HTR2C: variants seen among roughly 807,000 people sequenced by gnomAD.
HTR2C encodes the protein 5-hydroxytryptamine receptor 2C.
In HTR2C, 5 loss-of-function variants were observed where a neutral mutation model predicts 21.0. The observed-to-expected ratio is 0.24, with a 90% CI of 0.12 to 0.50. The LOEUF is 0.50. Among genes scored for constraint, HTR2C ranks in the 20% least tolerant of loss-of-function variants. HTR2C has a pLI of 0.98. For missense variants in HTR2C, 271 were observed against 371.2 expected, an observed-to-expected ratio of 0.73 and a Z score of 2.22; for synonymous variants, 150 against 145.3, an observed-to-expected ratio of 1.03 and a Z score of -0.23.
chrX:114,827,917 T>C, intron 4 of HTR2C, among the ~76,000 whole-genome samples: 1 of 110,959 alleles, frequency 9.0e-6, no homozygotes, highest in Admixed American at 9.6e-5. Context: ...ATTATGATGA[T>C]CTAGGTATGA....
chrX:114,777,098 G>A (rs2070066176), intron 4 of HTR2C, among the ~76,000 whole-genome samples: 2 of 111,893 alleles, frequency 1.8e-5, no homozygotes, highest in African/African-American at 6.5e-5. Flanking sequence ...ACTTAGTAAT[G>A]ACAATTAAGA....
chrX:114,764,915 CTTTCTTTCTT>C (rs2069927167), intron 4 of HTR2C, among the ~76,000 whole-genome samples: 10 of 63,642 alleles, frequency 1.6e-4, no homozygotes, highest in African/African-American at 6.0e-4. Flanking sequence ...TTCTTTCTTT[CTTTCTTTCTT>C]TTCCTTCCTT....
At chrX:114,771,430 C>T (rs186376698) in intron 4 of HTR2C, among the ~76,000 whole-genome samples, 1 of 111,946 alleles carries the variant, frequency 8.9e-6, no homozygotes, top group East Asian at 2.8e-4. Context: ...CTGTTAAATG[C>T]TATGAGCCAG....
chrX:114,733,417 A>T (rs192873495), intron 4 of HTR2C, among the ~76,000 whole-genome samples: 165 of 108,907 alleles, frequency 1.5e-3, no homozygotes, highest in African/African-American at 4.2e-3. Context: ...AAAAAAATTT[A>T]AAAAAAAAAC....
chrX:114,668,183 T>G (rs1413800933), intron 2 of HTR2C, among the ~76,000 whole-genome samples: 3 of 111,849 alleles, frequency 2.7e-5, no homozygotes, highest in Non-Finnish European at 5.7e-5. Context: ...ACTTTTTCTT[T>G]CTTAGCACGT....
intron 5 of HTR2C, among the ~76,000 whole-genome samples, chrX:114,880,929 T>C (rs782706644): frequency 3.6e-5 from 4 of 111,277 alleles, no homozygotes; most frequent in African/African-American, 1.3e-4. Flanking sequence ...CTCTTGGGTA[T>C]ATAACTAGAG....
intron 4 of HTR2C, among the ~76,000 whole-genome samples, chrX:114,770,990 C>G (rs782642327): frequency 9.1e-6 from 1 of 109,590 alleles, no homozygotes; most frequent in South Asian, 4.0e-4. Flanking sequence ...TTAATAGAGA[C>G]GAGGTTTCAC....
chrX:114,820,802 C>T (rs2070625647), intron 4 of HTR2C, among the ~76,000 whole-genome samples: 2 of 111,081 alleles, frequency 1.8e-5, no homozygotes, highest in South Asian at 7.8e-4. Context: ...TCCAATTCAA[C>T]CTCTTTTACT....
chrX:114,887,682 G>C (rs979485952), intron 5 of HTR2C, among the ~76,000 whole-genome samples: 1 of 110,900 alleles, frequency 9.0e-6, no homozygotes, highest in East Asian at 2.8e-4. Flanking sequence ...AGGCATTTTT[G>C]AATATGCTAT....
chrX:114,737,405 T>C (rs782672286), intron 4 of HTR2C, among the ~76,000 whole-genome samples: 7 of 110,026 alleles, frequency 6.4e-5, no homozygotes, highest in African/African-American at 9.9e-5. Context: ...TTTTTATGTT[T>C]TTGGTAGAGA....
chrX:114,728,205 A>G (rs2069501655), intron 3 of HTR2C, among the ~76,000 whole-genome samples: 1 of 111,882 alleles, frequency 8.9e-6, no homozygotes, highest in Admixed American at 9.5e-5. Flanking sequence ...TTTATATACT[A>G]AGAATGTAAA....
chrX:114,800,357 G>A (rs1374722473), intron 4 of HTR2C, among the ~76,000 whole-genome samples: 6 of 111,114 alleles, frequency 5.4e-5, no homozygotes, highest in Non-Finnish European at 1.1e-4. Context: ...AATACATTTT[G>A]TGGGAATACT....
At position 114,584,086 on chromosome X, in the gene HTR2C, G is replaced by A. The variant is rs1178033998; in HGVS notation, c.-720G>A. 2 of 111,918 alleles carry A rather than the reference G, an allele frequency of 1.8e-5. No homozygotes were observed. Among genetic ancestry groups the A allele is most frequent in the African/African-American group, 6.5e-5 (2 of 30,692 alleles). The allele number at this position is 111,918 out of a possible 1,213,427, so 9.2% of individuals were successfully genotyped here. Reference sequence around the variant, plus strand: ...GAGCGTGGTGCAGATTCACCCGCGCGAGGTAGGCGCTCTGGTGCTTGCCGA... The same window carrying A: ...GAGCGTGGTGCAGATTCACCCGCGCAAGGTAGGCGCTCTGGTGCTTGCCGA... On this transcript the variant is annotated 5_prime_UTR_variant, in exon 1 of 6. Transcript: ENST00000276198.
chrX:114,887,422 GA>G (rs1316255289), intron 5 of HTR2C, among the ~76,000 whole-genome samples: 1 of 111,346 alleles, frequency 9.0e-6, no homozygotes, highest in Non-Finnish European at 1.9e-5. Context: ...AATCAGCCAA[GA>G]AAGGAGAAAT....
intron 4 of HTR2C, among the ~76,000 whole-genome samples, chrX:114,752,767 T>A: frequency 9.0e-6 from 1 of 110,879 alleles, no homozygotes; most frequent in African/African-American, 3.3e-5. Flanking sequence ...CTTCTTTTTG[T>A]CACTCCCAGT....
chrX:114,784,405 C>A (rs1556441469), intron 4 of HTR2C, among the ~76,000 whole-genome samples: 2 of 111,271 alleles, frequency 1.8e-5, no homozygotes, highest in African/African-American at 6.5e-5. Flanking sequence ...GAAATTACCA[C>A]ACATTCGTGG....
intron 1 of HTR2C, among the ~76,000 whole-genome samples, chrX:114,604,323 G>A (rs1444404066): frequency 1.8e-5 from 2 of 109,619 alleles, no homozygotes; most frequent in Non-Finnish European, 1.9e-5. Flanking sequence ...TGTTTAAAAG[G>A]GTATTGTCTA....
intron 4 of HTR2C, among the ~76,000 whole-genome samples, chrX:114,764,745 G>A (rs1053788797): frequency 2.7e-4 from 30 of 111,717 alleles, no homozygotes; most frequent in African/African-American, 9.4e-4. Context: ...TCCTTAAGAG[G>A]AGACATCCTC....
At chrX:114,886,123 T>G (rs2071218584) in intron 5 of HTR2C, among the ~76,000 whole-genome samples, 1 of 111,503 alleles carries the variant, frequency 9.0e-6, no homozygotes, top group African/African-American at 3.2e-5. Context: ...AGTAAATTTT[T>G]GTTTGGAAAT....
Sources: allele counts gnomAD v4.1 joint callset (sites outside exome capture counted in the v4.1 genomes callset), GRCh38; gene constraint gnomAD v4.1.1; transcripts MANE v1.5; gene names NCBI Gene and HGNC (gene_info 2026-07-23, HGNC 2026-07-21).